The following NAV2 variants were observed in gnomAD, a reference collection of about 807,000 sequenced individuals.
NAV2 encodes neuron navigator 2.
NAV2 carries 54 observed loss-of-function variants against 223.2 expected under a neutral mutation model. The ratio of observed to expected loss-of-function variants is 0.24; its 90% CI spans 0.19 to 0.30. The LOEUF (loss-of-function observed/expected upper bound fraction) is 0.30, where lower values mean the gene tolerates loss of function less well. Among genes scored for constraint, NAV2 ranks in the 10% least tolerant of loss-of-function variants. The pLI, the probability that NAV2 is intolerant of heterozygous loss-of-function variation, is 1.00. For synonymous variants in NAV2, 1,279 were observed against 1,239.3 expected (o/e 1.03, Z -0.67); for missense variants, 2,806 against 3,147.5 (o/e 0.89, Z 2.60).
intron 1 of NAV2, among the ~76,000 whole-genome samples, chr11:19,449,355 C>G (rs184047782): frequency 3.3e-5 from 5 of 151,770 alleles, no homozygotes; most frequent in South Asian, 2.1e-4. Context: ...TGAGATCCTG[C>G]CACTGCACTC....
Position 19,846,127 on chromosome 11 carries a change from C to T in NAV2, c.438+3204C>T, listed in dbSNP as rs2060793926. Among the ~76,000 whole-genome samples, 3 of 152,142 alleles carry T rather than the reference C, an allele frequency of 2.0e-5. No individual in the cohort carries two copies. In the South Asian group the frequency reaches 6.2e-4, roughly 32 times the overall value. On this transcript the variant is annotated intron_variant, in intron 3 of 37. Coordinates refer to ENST00000349880, the MANE Select transcript of NAV2 (RefSeq NM_145117.5). ...AGTCTTGAAAGGTCAGAGAGTTCAC[C>T]ACAAGAGATGATGGGTGGAAGAGGA...
chr11:20,012,221 T>G (rs1217868696), intron 11 of NAV2, among the ~76,000 whole-genome samples: 1 of 152,248 alleles, frequency 6.6e-6, no homozygotes, highest in Non-Finnish European at 1.5e-5. Context: ...CTGAATTGAA[T>G]GAGAACATTT....
chr11:20,017,074 A>T (rs1172637377), intron 11 of NAV2, among the ~76,000 whole-genome samples: 17 of 152,142 alleles, frequency 1.1e-4, no homozygotes, highest in Non-Finnish European at 5.9e-5. Context: ...CCTCTTGCTT[A>T]TCCTTTAGGT....
intron 1 of NAV2, among the ~76,000 whole-genome samples, chr11:19,616,913 A>G (rs1268906935): frequency 6.6e-6 from 1 of 152,104 alleles, no homozygotes; most frequent in East Asian, 1.9e-4. Context: ...TGCCTTTGCC[A>G]TGTACTCATC....
At chr11:19,693,524 A>C (rs767315877) in intron 1 of NAV2, among the ~76,000 whole-genome samples, 2 of 152,240 alleles carry the variant, frequency 1.3e-5, no homozygotes, top group Non-Finnish European at 2.9e-5. Context: ...CTTTTGAGGA[A>C]AATAAAACAA....
At chr11:19,718,530 G>A (rs1293668595) in intron 1 of NAV2, among the ~76,000 whole-genome samples, 3 of 131,664 alleles carry the variant, frequency 2.3e-5, no homozygotes, top group Admixed American at 7.5e-5. Context: ...CTTACAACCT[G>A]TGGCAACTTT....
chr11:19,681,957 C>G (rs1202180203), intron 1 of NAV2, among the ~76,000 whole-genome samples: 1 of 152,104 alleles, frequency 6.6e-6, no homozygotes, highest in Admixed American at 6.5e-5. Flanking sequence ...AGATAGATGT[C>G]CACAATATCA....
rs79231217 is a variant in NAV2, at chr11:19,502,240, A to G, written c.75+151213A>G. On this transcript the variant is annotated intron_variant, in intron 1 of 37. Coordinates refer to the NAV2 transcript ENST00000360655. The stretch of plus-strand genomic sequence containing the variant: ...ATCCCTGCTCTGCTCCCCTCCAACT[A>G]TATGACCTTTGGCAAATTACTTAAT... Among the ~76,000 whole-genome samples, 288 of 152,292 alleles carry G rather than the reference A, an allele frequency of 1.9e-3. 1 individual carries two copies. The highest frequency in any genetic ancestry group is 6.6e-3 in the African/African-American group (275 of 41,552).
chr11:20,024,694 C>T (rs1253574855), intron 11 of NAV2, among the ~76,000 whole-genome samples: 1 of 152,204 alleles, frequency 6.6e-6, no homozygotes, highest in African/African-American at 2.4e-5. Context: ...ATGAGGCCAG[C>T]CTGTTTTTGG....
In NAV2 at chr11:19,570,215, C is replaced by T. The variant is rs997217791; in HGVS notation, c.75+219188C>T. On this transcript the variant is annotated intron_variant, in intron 1 of 37. Coordinates refer to the NAV2 transcript ENST00000360655. ...GACACAGATTCAAACCCTGCCTCTG[C>T]TCTGCATGGCTGTGTGTCATTAGGC... 4.6e-5 allele frequency among the ~76,000 whole-genome samples: 7 copies of T among 152,200 alleles called. No individual in the cohort carries two copies. The East Asian group carries it at 1.2e-3, about 25-fold the overall frequency.
intron 30 of NAV2, among the ~76,000 whole-genome samples, chr11:20,096,472 C>T (rs191181453): frequency 2.0e-5 from 3 of 152,218 alleles, no homozygotes; most frequent in African/African-American, 4.8e-5. Context: ...TAATAGTCCA[C>T]GTTTTTTGTG....
chr11:19,345,299 G>C, the NAV2 span, among the ~76,000 whole-genome samples: 2 of 152,260 alleles, frequency 1.3e-5, no homozygotes, highest in Non-Finnish European at 2.9e-5. The surrounding 1 kb of genome is among the most constrained non-coding windows in gnomAD (Gnocchi z 5.2). Context: ...CCGCGAAGCC[G>C]GTGTGGGCGC....
chr11:19,399,389 C>T (rs7119335), intron 1 of NAV2, among the ~76,000 whole-genome samples: 56,901 of 152,104 alleles, frequency 0.37, 10,912 homozygotes, highest in East Asian at 0.53. Flanking sequence ...CCTTCTCTCC[C>T]ACAAGTCAGA....
chr11:19,777,916 T>G (rs1319438864), intron 1 of NAV2: 1 of 455,808 alleles, frequency 2.2e-6, no homozygotes, highest in African/African-American at 2.0e-5. Context: ...CTTGATACTT[T>G]GGGGTGCACA....
rs148553612 is a variant in NAV2 at position 20,114,662 on chromosome 11, G to A, written c.7031G>A (p.Ser2344Asn). 14 of 1,614,040 alleles carry A rather than the reference G, an allele frequency of 8.7e-6. No homozygotes were observed. In the African/African-American group the frequency reaches 1.3e-4, roughly 15 times the overall value. ...ATGGACACATATCCATGGGCAGCCA[G>A]CCCACAACAGCACGAGTGGCCTCCC... ...WVMDTYPWAA[S>N]PQQHEWPPLL... The change falls in exon 37 of 38, where the codon AGC (serine) becomes AAC (asparagine). Residue 2344 changes from serine (S) to asparagine (N), a missense_variant. Ser to Asn is a conservative substitution (Grantham distance 46). Transcript: ENST00000349880.
intron 10 of NAV2, among the ~76,000 whole-genome samples, chr11:19,977,783 GA>G (rs2049896340): frequency 6.7e-6 from 1 of 148,240 alleles, no homozygotes; most frequent in Non-Finnish European, 1.5e-5. Context: ...TCTTTTCAGA[GA>G]GGTCAACTTT....
At chr11:19,904,167 G>A (rs1179982776) in intron 6 of NAV2, among the ~76,000 whole-genome samples, 4 of 152,120 alleles carry the variant, frequency 2.6e-5, no homozygotes, top group South Asian at 2.1e-4. Context: ...TGTATAGTGT[G>A]GAATAAATGA....
intron 3 of NAV2, among the ~76,000 whole-genome samples, chr11:19,848,238 G>A (rs1263501650): frequency 2.0e-5 from 3 of 152,156 alleles, no homozygotes; most frequent in African/African-American, 4.8e-5. Flanking sequence ...TATTCCATAA[G>A]CAGAACCCCT....
intron 1 of NAV2, among the ~76,000 whole-genome samples, chr11:19,672,482 A>G (rs1284586133): frequency 6.6e-6 from 1 of 151,908 alleles, no homozygotes; most frequent in African/African-American, 2.4e-5. Context: ...TATTTCTCCA[A>G]GTGTTAATTT....
Sources: gnomAD v4.1 joint callset for allele counts (sites outside exome capture counted in the v4.1 genomes callset) on GRCh38, gnomAD v4.1.1 for gene constraint, Gnocchi (gnomAD v3.1) non-coding constraint, MANE v1.5 for transcripts, NCBI Gene and HGNC (gene_info 2026-07-23, HGNC 2026-07-21) for gene names.